The following FBN3 variants were observed in gnomAD, a reference collection of about 807,000 sequenced individuals.
FBN3 encodes the protein fibrillin 3.
A neutral mutation model predicts 330.1 loss-of-function variants in FBN3; 234 were observed. That is an observed-to-expected ratio of 0.71 (90% confidence interval 0.64 to 0.79). The LOEUF (loss-of-function observed/expected upper bound fraction) is 0.79. Ranked by LOEUF, FBN3 falls within the 30% of genes least tolerant of loss-of-function variation. The pLI is 0.00. For missense variants in FBN3, 3,606 were observed against 3,886.9 expected (o/e 0.93, Z 1.92); for synonymous variants, 1,458 against 1,517.3 (o/e 0.96, Z 0.91).
At chr19:8,090,275 C>A in intron 48 of FBN3, 24 bp from the exon 49 acceptor site, 1 of 1,612,740 alleles carries the variant, frequency 6.2e-7, no homozygotes, top group Non-Finnish European at 8.5e-7. Context: ...GCTCCATTAC[C>A]CTGATTGAAA....
chr19:8,127,886 C>G (rs1020651495), intron 18 of FBN3, among the ~76,000 whole-genome samples: 8 of 152,106 alleles, frequency 5.3e-5, no homozygotes, highest in Non-Finnish European at 1.0e-4. Flanking sequence ...GAGGCAGAGA[C>G]AGGATAATCT....
chr19:8,123,283 G>T (rs1034225047), intron 24 of FBN3, among the ~76,000 whole-genome samples, 181 bp downstream of exon 24: 7 of 152,090 alleles, frequency 4.6e-5, no homozygotes, highest in African/African-American at 1.7e-4. Context: ...GAACCTGGGA[G>T]GCGGAGGTTG....
At chr19:8,089,760 C>A in intron 50 of FBN3, 90 bp from the exon 51 acceptor site, 1 of 1,573,458 alleles carries the variant, frequency 6.4e-7, no homozygotes, top group Non-Finnish European at 8.6e-7. Flanking sequence ...GGGACAAAAG[C>A]CCAAGCCCCA....
rs772674229 is a variant in FBN3, at chr19:8,109,716, G to A, written c.4371C>T (p.Asn1457=). The part of the protein sequence containing the change: ...NECADPVNCI[N]GVCINTPGSY... ...TGCCGGGGGTGTTAATGCACACGCC[G>A]TTGATGCAGTTTACTGGGTCTGCAC... is the stretch of plus-strand genomic sequence containing the variant. The change falls in exon 35 of 64, where the codon AAC becomes AAT. Residue 1457 remains asparagine, a synonymous_variant. Coordinates refer to ENST00000600128, the MANE Select transcript of FBN3 (RefSeq NM_032447.5). The surrounding 1 kb of genome is among the most constrained non-coding windows in gnomAD (Gnocchi z 5.2). 8.4e-6 allele frequency: 13 copies of A among 1,543,138 alleles called. No individual in the cohort carries two copies. The highest frequency in any genetic ancestry group is 1.7e-4 in the Middle Eastern group (1 of 5,752).
At position 8,121,383 on chromosome 19, in the gene FBN3, A is replaced by G; in HGVS notation, c.3086T>C (p.Ile1029Thr). 6.3e-7 allele frequency: 1 copy of G among 1,588,204 alleles called. No homozygotes were observed. The highest frequency in any genetic ancestry group is 8.5e-7 in the Non-Finnish European group (1 of 1,170,918). Reference protein sequence around the residue: ...LDAQERNCTDIDECRISPDLC... With the variant: ...LDAQERNCTDTDECRISPDLC... ...GTCAGGAGAGATGCGACACTCGTCGATATCTGTGGGGAGAGGGGGCAGAGG... is the reference window on the plus strand; with the variant it reads ...GTCAGGAGAGATGCGACACTCGTCGGTATCTGTGGGGAGAGGGGGCAGAGG... The change falls in exon 25 of 64, where the codon ATC becomes ACC. Residue 1029 changes from isoleucine (I) to threonine (T), a missense_variant. Transcript: ENST00000600128. The surrounding 1 kb of genome is among the most constrained non-coding windows in gnomAD (Gnocchi z 4.5).
At chr19:8,101,248 C>T (rs993146132) in intron 40 of FBN3, among the ~76,000 whole-genome samples, 38 of 152,100 alleles carry the variant, frequency 2.5e-4, no homozygotes, top group Non-Finnish European at 1.2e-4. Flanking sequence ...CCTTAGCCTC[C>T]CAAGTAGCTG....
chr19:8,115,465 A>G (rs769406746), intron 30 of FBN3, 50 bp downstream of exon 30: 38 of 1,599,248 alleles, frequency 2.4e-5, no homozygotes, highest in East Asian at 4.5e-5. Flanking sequence ...ATGATTCCCA[A>G]AATGGCCCCG....
rs751628304 is a variant in FBN3, at chr19:8,073,257, G to A, written c.7743C>T (p.Ser2581=). Residue 2581 remains serine (S), a synonymous_variant, in exon 62 of 64, where the codon AGC becomes AGT. Transcript: ENST00000600128. ...ECALSPPTCG[S]ASCRNTLGGF... ...CACCAAGAGTGTTGCGACAGGAGGC[G>A]CTCCCGCAGGTGGGGGGCGACAGGG... The A allele has an allele frequency of 7.4e-6, 12 of 1,613,976 alleles. No homozygotes were observed. Among genetic ancestry groups the A allele is most frequent in the East Asian group, 4.5e-5 (2 of 44,874 alleles).
At chr19:8,068,605 G>C (rs1233332151) in intron 63 of FBN3, among the ~76,000 whole-genome samples, 6 of 151,802 alleles carry the variant, frequency 4.0e-5, no homozygotes, top group African/African-American at 7.3e-5. Flanking sequence ...GGGGGATTGA[G>C]GCGGGAGGAT....
At chr19:8,079,370 TC>T (rs1311403761) in intron 59 of FBN3, among the ~76,000 whole-genome samples, 1 of 152,084 alleles carries the variant, frequency 6.6e-6, no homozygotes, top group Non-Finnish European at 1.5e-5. Flanking sequence ...TGAGCTGCGA[TC>T]ACATTGCTGT....
At chr19:8,112,260 A>G (rs926833684) in intron 30 of FBN3, among the ~76,000 whole-genome samples, 161 bp from the exon 31 acceptor site, 2 of 152,040 alleles carry the variant, frequency 1.3e-5, no homozygotes, top group Admixed American at 1.3e-4. Context: ...CCAGAGCCCA[A>G]GAGGAAAACC....
At chr19:8,142,696 C>T (rs1166999506) in intron 6 of FBN3, among the ~76,000 whole-genome samples, 1 of 151,974 alleles carries the variant, frequency 6.6e-6, no homozygotes, top group Non-Finnish European at 1.5e-5. Context: ...CAGATGTTTC[C>T]AATAAAGGAG....
At chr19:8,134,984 A>G (rs1315157887) in intron 13 of FBN3, among the ~76,000 whole-genome samples, 1 of 148,496 alleles carries the variant, frequency 6.7e-6, no homozygotes, top group African/African-American at 2.5e-5. Context: ...ACATATATAT[A>G]TATATATTTT....
Position 8,116,802 on chromosome 19 carries a change from G to A in FBN3, c.3587-3C>T. ...GTTCTCTTCACACTCGTCCACGTCTGGGGGAGCAGGGTTGGGGACTGTGCT... is the reference window on the plus strand; with the variant it reads ...GTTCTCTTCACACTCGTCCACGTCTAGGGGAGCAGGGTTGGGGACTGTGCT... On this transcript the variant is annotated splice_region_variant and splice_polypyrimidine_tract_variant and intron_variant, in intron 28 of 63. Coordinates refer to ENST00000600128, the MANE Select transcript of FBN3 (RefSeq NM_032447.5). The A allele has an allele frequency of 1.2e-6, 2 of 1,613,410 alleles. No homozygotes were observed. The highest frequency in any genetic ancestry group is 1.7e-6 in the Non-Finnish European group (2 of 1,179,604).
Position 8,095,996 on chromosome 19 carries a change from C to T in FBN3, c.5624G>A (p.Gly1875Asp), listed in dbSNP as rs2144727501. ...IGSYNCLCFP[G>D]FVVTHNGDCV... ...ATCCCCATTGTGTGTCACCACAAAG[C>T]CAGGGAAGCAGAGGCAGTTGTAGGA... is the stretch of plus-strand genomic sequence containing the variant. Residue 1875 changes from glycine (G) to aspartate (D), a missense_variant, in exon 45 of 64, where the codon GGC (glycine) becomes GAC (aspartate). By Grantham distance (94) the Gly-to-Asp change is moderately conservative. Coordinates refer to ENST00000600128, the MANE Select transcript of FBN3 (RefSeq NM_032447.5). 6.2e-7 allele frequency: 1 copy of T among 1,613,954 alleles called. No individual in the cohort carries two copies. The highest frequency in any genetic ancestry group is 8.5e-7 in the Non-Finnish European group (1 of 1,179,822).
intron 53 of FBN3, among the ~76,000 whole-genome samples, chr19:8,087,598 ATTTTTTTTTT>A (rs35631767): frequency 1.3e-5 from 1 of 75,452 alleles, no homozygotes; most frequent in African/African-American, 5.8e-5. Context: ...GCATTGCAGG[ATTTTTTTTTT>A]TTTTTTTTTT....
intron 30 of FBN3, among the ~76,000 whole-genome samples, chr19:8,112,462 C>T (rs12983084): frequency 0.22 from 33,380 of 148,850 alleles, 4,176 homozygotes; most frequent in East Asian, 0.44. Flanking sequence ...CTGGCTAATG[C>T]GGTGAAACCC....
rs1417697389 is a variant in FBN3 at position 8,111,729 on chromosome 19, T to G, written c.4003A>C (p.Arg1335=). Residue 1335 remains arginine (R), a synonymous_variant, in exon 32 of 64, where the codon AGA becomes CGA. Transcript: ENST00000600128. The part of the protein sequence containing the change: ...CVSQEHRCSP[R]GDCLNVPGSY... The stretch of plus-strand genomic sequence containing the variant: ...CCAGGGACATTGAGACAGTCACCTC[T>G]TGGGCTGCACCGGTGCTCCTGGGAG... The G allele has an allele frequency of 1.2e-6, 2 of 1,611,212 alleles. No individual in the cohort carries two copies. The highest frequency in any genetic ancestry group is 3.3e-5 in the Admixed American group (2 of 59,888).
intron 57 of FBN3, among the ~76,000 whole-genome samples, chr19:8,082,024 C>T (rs1032828803): frequency 6.9e-5 from 10 of 145,712 alleles, no homozygotes; most frequent in East Asian, 2.3e-4. Flanking sequence ...AATGCGATGG[C>T]GCAATCTCAG....
Sources: allele counts gnomAD v4.1 joint callset (sites outside exome capture counted in the v4.1 genomes callset), GRCh38; gene constraint gnomAD v4.1.1; non-coding constraint Gnocchi (gnomAD v3.1); transcripts MANE v1.5; gene names NCBI Gene and HGNC (gene_info 2026-07-23, HGNC 2026-07-21).